Variants in DRG2 observed in about 807,000 individuals in gnomAD.
DRG2 encodes developmentally-regulated GTP-binding protein 2.
Under a neutral mutation model 53.4 loss-of-function variants are expected in DRG2, and 36 were observed. That is an observed-to-expected ratio of 0.67 (90% confidence interval 0.52 to 0.89). The LOEUF is 0.89. Among genes scored for constraint, DRG2 ranks in the 40% least tolerant of loss-of-function variants. The pLI, the probability that DRG2 is intolerant of heterozygous loss-of-function variation, is 0.00. For synonymous variants in DRG2, 167 were observed against 192.1 expected, an observed-to-expected ratio of 0.87 and a Z score of 1.08; for missense variants, 342 against 481.2, an observed-to-expected ratio of 0.71 and a Z score of 2.71.
At chr17:18,106,736 G>A (rs1240126109) in intron 12 of DRG2, among the ~76,000 whole-genome samples, 2 of 126,692 alleles carry the variant, frequency 1.6e-5, no homozygotes, top group African/African-American at 3.1e-5. Flanking sequence ...TGTCTCCCAC[G>A]CTGGAGTGCA....
Position 18,093,850 on chromosome 17 carries a change from C to G in DRG2, c.102C>G (p.Leu34=), listed in dbSNP as rs760508818. ...ATCTGGGCCTGCTGAAAGCTAAGCTCGCCAAGTATCGGGCCCAGCTCCTGG... is the reference window on the plus strand; with the variant it reads ...ATCTGGGCCTGCTGAAAGCTAAGCTGGCCAAGTATCGGGCCCAGCTCCTGG... The part of the protein sequence containing the change: ...EYHLGLLKAK[L]AKYRAQLLEP... The change falls in exon 2 of 13, where the codon CTC becomes CTG. Residue 34 remains leucine (L), a synonymous_variant. Transcript: ENST00000225729. 1 of 1,614,144 alleles carries G rather than the reference C, an allele frequency of 6.2e-7. No homozygotes were observed. The highest frequency in any genetic ancestry group is 1.1e-5 in the South Asian group (1 of 91,086).
At position 18,100,719 on chromosome 17, in the gene DRG2, G is replaced by A; in HGVS notation, c.631+60G>A. On this transcript the variant is annotated intron_variant, in intron 7 of 12. Transcript: ENST00000225729. This position sits in a 1 kb window ranked among gnomAD's most constrained non-coding sequence, Gnocchi z 4.1. The stretch of plus-strand genomic sequence containing the variant: ...GCCACCACCGTCAGCGCAGCGGGGG[G>A]ACTGACTAAGACAGGAGGCCTCATG... 1 of 1,510,144 alleles carries A rather than the reference G, an allele frequency of 6.6e-7. No individual in the cohort carries two copies. Among genetic ancestry groups the A allele is most frequent in the South Asian group, 1.2e-5 (1 of 84,162 alleles). 93.5% of individuals were successfully genotyped at this position (1,510,144 alleles called of 1,614,324 possible). A position where few individuals can be genotyped will look rare whatever the true frequency, so the allele number is the denominator to read the frequency against.
At chr17:18,090,058 C>A (rs531393824) in intron 1 of DRG2, among the ~76,000 whole-genome samples, 2 of 152,096 alleles carry the variant, frequency 1.3e-5, no homozygotes, top group South Asian at 4.1e-4. Flanking sequence ...AGAGATGCTG[C>A]CACTTTGGCA....
At chr17:18,101,723 C>G in intron 8 of DRG2, 133 bp downstream of exon 8, 1 of 1,066,138 alleles carries the variant, frequency 9.4e-7, no homozygotes, top group Admixed American at 2.3e-5. Flanking sequence ...ACCTCAGTGG[C>G]TGCTTGGATC....
intron 1 of DRG2, among the ~76,000 whole-genome samples, chr17:18,093,452 G>T (rs2045369279): frequency 6.6e-6 from 1 of 151,748 alleles, no homozygotes; most frequent in Non-Finnish European, 1.5e-5. Flanking sequence ...CCAAATAGTT[G>T]GGATTACAGG....
In DRG2 at chr17:18,107,237, G is replaced by A; in HGVS notation, c.1092G>A (p.Lys364=). The A allele has an allele frequency of 2.5e-6, 4 of 1,612,740 alleles. No homozygotes were observed. The highest frequency in any genetic ancestry group is 2.5e-6 in the Non-Finnish European group (3 of 1,179,970). Residue 364 remains lysine, a synonymous_variant, in exon 13 of 13, where the codon AAG becomes AAA. Coordinates refer to ENST00000225729, the MANE Select transcript of DRG2 (RefSeq NM_001388.5). Reference sequence around the variant, plus strand: ...AGGACGTCATCCAGATCGTGAAGAAGTAACGGCGCCTGCCGGGCCTCCCGC... The same window carrying A: ...AGGACGTCATCCAGATCGTGAAGAAATAACGGCGCCTGCCGGGCCTCCCGC... ...EHEDVIQIVK[K]
Position 18,106,619 on chromosome 17 carries a change from T to C in DRG2, c.1008+133T>C, listed in dbSNP as rs2045638767. 5.1e-6 allele frequency: 5 copies of C among 985,298 alleles called. No individual in the cohort carries two copies. The East Asian group carries it at 1.3e-4, about 26-fold the overall frequency. 61.0% of individuals were successfully genotyped at this position (985,298 alleles called of 1,614,324 possible). On this transcript the variant is annotated intron_variant, in intron 12 of 12. Transcript: ENST00000225729. ...GTGGGGATTGGCATGTCTGTGTGTCTGTCCTCCATAGAATGTACATGCCAA... is the reference window on the plus strand; with the variant it reads ...GTGGGGATTGGCATGTCTGTGTGTCCGTCCTCCATAGAATGTACATGCCAA...
chr17:18,102,972 A>G (rs1437655679), intron 9 of DRG2, among the ~76,000 whole-genome samples: 1 of 152,224 alleles, frequency 6.6e-6, no homozygotes, highest in Non-Finnish European at 1.5e-5. Flanking sequence ...CTTGGCCAAC[A>G]GTACTGAGAG....
chr17:18,100,742 A>G lies in DRG2; in HGVS notation c.631+83A>G, dbSNP rs2142198466. 2 of 1,403,478 alleles carry G rather than the reference A, an allele frequency of 1.4e-6. No homozygotes were observed. Among genetic ancestry groups the G allele is most frequent in the African/African-American group, 1.4e-5 (1 of 70,228 alleles). 86.9% of individuals were successfully genotyped at this position (1,403,478 alleles called of 1,614,324 possible). ...GGGACTGACTAAGACAGGAGGCCTC[A>G]TGGAGCAGGGTGGCAGCAGGTCACC... On this transcript the variant is annotated intron_variant, in intron 7 of 12. Transcript: ENST00000225729. The surrounding 1 kb of genome is among the most constrained non-coding windows in gnomAD (Gnocchi z 4.1).
rs957234859 is a variant in DRG2 at position 18,100,310 on chromosome 17, T to G, written c.468-53T>G. ...GACATCCTGCGTAACAGGGAAGCTG[T>G]GCATCTGGCTCTGTGGACAGCCTGT... is the stretch of plus-strand genomic sequence containing the variant. On this transcript the variant is annotated intron_variant, in intron 5 of 12. Coordinates refer to ENST00000225729, the MANE Select transcript of DRG2 (RefSeq NM_001388.5). The surrounding 1 kb of genome is among the most constrained non-coding windows in gnomAD (Gnocchi z 4.1). 7.6e-6 allele frequency: 12 copies of G among 1,579,092 alleles called. No individual in the cohort carries two copies. Among genetic ancestry groups the G allele is most frequent in the Non-Finnish European group, 9.6e-6 (11 of 1,149,010 alleles).
Position 18,100,714 on chromosome 17 carries a change from G to T in DRG2, c.631+55G>T, listed in dbSNP as rs549993150. ...GGGCAGCCACCACCGTCAGCGCAGCGGGGGGACTGACTAAGACAGGAGGCC... is the reference window on the plus strand; with the variant it reads ...GGGCAGCCACCACCGTCAGCGCAGCTGGGGGACTGACTAAGACAGGAGGCC... On this transcript the variant is annotated intron_variant, in intron 7 of 12. Coordinates refer to ENST00000225729, the MANE Select transcript of DRG2 (RefSeq NM_001388.5). This position sits in a 1 kb window ranked among gnomAD's most constrained non-coding sequence, Gnocchi z 4.1. 1.8e-3 allele frequency: 2,718 copies of T among 1,534,914 alleles called. 5 individuals are homozygous for T. Among genetic ancestry groups the T allele is most frequent in the Non-Finnish European group, 2.1e-3 (2,361 of 1,129,418 alleles).
intron 9 of DRG2, 140 bp downstream of exon 9, chr17:18,102,137 G>A (rs1404692729): frequency 6.9e-6 from 6 of 872,538 alleles, no homozygotes; most frequent in South Asian, 1.6e-5. Context: ...ACGGAGCCCA[G>A]GACTTCCTGC....
In DRG2 at chr17:18,100,415, A is replaced by T. The variant is rs1393781830; in HGVS notation, c.520A>T (p.Lys174Ter). ...TGTGGGCATCCGCCTCAACAAGCAC[A>T]AGCCTAACATCTACTTCAAGGTGAG... Reference protein sequence around the residue: ...ESVGIRLNKHKPNIYFKPKKG... With the variant: ...ESVGIRLNKH The change falls in exon 6 of 13, where the codon AAG (lysine) becomes TAG (stop). Residue 174 changes from lysine to a stop codon, truncating the protein, a stop_gained. Coordinates refer to ENST00000225729, the MANE Select transcript of DRG2 (RefSeq NM_001388.5). LOFTEE classifies it high-confidence loss of function. The surrounding 1 kb of genome is among the most constrained non-coding windows in gnomAD (Gnocchi z 4.1). 6.2e-7 allele frequency: 1 copy of T among 1,614,222 alleles called. No homozygotes were observed. Among genetic ancestry groups the T allele is most frequent in the Admixed American group, 1.7e-5 (1 of 60,034 alleles).
intron 1 of DRG2, among the ~76,000 whole-genome samples, 154 bp downstream of exon 1, chr17:18,088,241 C>T (rs1332879933): frequency 3.3e-5 from 5 of 152,260 alleles, no homozygotes; most frequent in African/African-American, 1.2e-4. Context: ...GCGCCCAAGG[C>T]AGGGCCAGGC....
intron 1 of DRG2, among the ~76,000 whole-genome samples, chr17:18,092,280 A>G (rs2045347886): frequency 6.6e-6 from 1 of 152,206 alleles, no homozygotes; most frequent in Non-Finnish European, 1.5e-5. Flanking sequence ...CCTGGGTAAC[A>G]TAGCAACATC....
intron 1 of DRG2, among the ~76,000 whole-genome samples, chr17:18,090,389 TATATATATATATATA>T (rs2045303460): frequency 4.7e-4 from 6 of 12,702 alleles, no homozygotes; most frequent in South Asian, 7.8e-3. Flanking sequence ...TATATATATA[TATATATATATATATA>T]TATTTTTTTT....
rs866425754 is a variant in DRG2, at chr17:18,090,374, A to T, written c.64+2287A>T. On this transcript the variant is annotated intron_variant, in intron 1 of 12. Coordinates refer to ENST00000225729, the MANE Select transcript of DRG2 (RefSeq NM_001388.5). ...ACCACCACACCGGGCTAATTTATAT[A>T]TATATATATATATATATATATATAT... Among the ~76,000 whole-genome samples, 23 of 8,164 alleles carry T rather than the reference A, an allele frequency of 2.8e-3. 1 individual carries two copies. Among genetic ancestry groups the T allele is most frequent in the South Asian group, 8.9e-3 (1 of 112 alleles). The allele number at this position is 8,164 out of a possible 152,430, so 5.4% of individuals were successfully genotyped here. A position where few individuals can be genotyped will look rare whatever the true frequency, so the allele number is the denominator to read the frequency against.
At position 18,100,679 on chromosome 17, in the gene DRG2, A is replaced by G. The variant is rs1228557547; in HGVS notation, c.631+20A>G. On this transcript the variant is annotated intron_variant, in intron 7 of 12. Coordinates refer to ENST00000225729, the MANE Select transcript of DRG2 (RefSeq NM_001388.5). The surrounding 1 kb of genome is among the most constrained non-coding windows in gnomAD (Gnocchi z 4.1). The stretch of plus-strand genomic sequence containing the variant: ...AATACAGTATCCTTCCCTGAAAGAC[A>G]CGTGAAGGAGGGCAGCCACCACCGT... 1 of 1,606,586 alleles carries G rather than the reference A, an allele frequency of 6.2e-7. No homozygotes were observed. The highest frequency in any genetic ancestry group is 1.7e-5 in the Admixed American group (1 of 59,136).
chr17:18,094,046 T>C, intron 2 of DRG2, 73 bp downstream of exon 2: 1 of 1,548,164 alleles, frequency 6.5e-7, no homozygotes, highest in Non-Finnish European at 8.8e-7. Flanking sequence ...CCATCCAGGC[T>C]CCCCTCGCTG....
Sources: gnomAD v4.1 joint callset for allele counts (sites outside exome capture counted in the v4.1 genomes callset) on GRCh38, gnomAD v4.1.1 for gene constraint, Gnocchi (gnomAD v3.1) non-coding constraint, MANE v1.5 for transcripts, NCBI Gene and HGNC (gene_info 2026-07-23, HGNC 2026-07-21) for gene names.